SYNPO: variants seen among roughly 807,000 people sequenced by gnomAD.
The protein encoded by SYNPO is synaptopodin.
SYNPO carries 19 observed loss-of-function variants against 49.5 expected under a neutral mutation model. The ratio of observed to expected loss-of-function variants is 0.38; its 90% confidence interval spans 0.27 to 0.56. The LOEUF (loss-of-function observed/expected upper bound fraction) is 0.56, where lower values mean the gene tolerates loss of function less well. SYNPO is among the 20% of genes least tolerant of loss of function. The probability of loss-of-function intolerance (pLI) is 0.68; values close to 1 mark genes in which losing one functional copy is unlikely to be tolerated. For missense variants in SYNPO, 1,131 were observed against 1,248.3 expected, an observed-to-expected ratio of 0.91 and a Z score of 1.42; for synonymous variants, 536 against 548.0, an observed-to-expected ratio of 0.98 and a Z score of 0.31.
At chr5:150,640,211 A>G, upstream of SYNPO, 10 of 979,286 alleles carry the variant, frequency 1.0e-5, no homozygotes, top group Non-Finnish European at 1.2e-5. Context: ...ATGCAGACAG[A>G]ACATTGGTGA....
the SYNPO span, among the ~76,000 whole-genome samples, chr5:150,590,434 A>G: frequency 1.3e-5 from 2 of 152,248 alleles, no homozygotes; most frequent in Admixed American, 1.3e-4. Flanking sequence ...GCAACTTGGT[A>G]GAGCACTTCA....
In SYNPO at chr5:150,617,126, T is replaced by C. The variant is rs1581462492; in HGVS notation, c.-265-977T>C. ...AGTCCTCTGCGTGCATTTTTTCATG[T>C]AATCCTCAATGCAATGCGAAGTTAG... On this transcript the variant is annotated intron_variant, in intron 1 of 2. Transcript: ENST00000394243. Among the ~76,000 whole-genome samples, 3 of 152,312 alleles carry C rather than the reference T, an allele frequency of 2.0e-5. No individual in the cohort carries two copies. In the East Asian group the frequency reaches 5.8e-4, roughly 29 times the overall value.
In SYNPO at chr5:150,650,022, G is replaced by C; in HGVS notation, c.1747G>C (p.Val583Leu). Residue 583 changes from valine to leucine, a missense_variant, in exon 2 of 3, where the codon GTC (valine) becomes CTC (leucine). By Grantham distance (32) the Val-to-Leu change is conservative (BLOSUM62 1). Transcript: ENST00000307662. ...CTCACCTATCAAGGAGCCTGCCAAG[G>C]TCTCACCAAGAGCTGCCTCGCCCGC... The part of the protein sequence containing the change: ...VLSPIKEPAK[V>L]SPRAASPAKP... The C allele has an allele frequency of 6.2e-7, 1 of 1,612,472 alleles. No homozygotes were observed. The highest frequency in any genetic ancestry group is 8.5e-7 in the Non-Finnish European group (1 of 1,179,974).
chr5:150,606,249 G>A (rs1292884753), intron 1 of SYNPO, among the ~76,000 whole-genome samples: 2 of 152,232 alleles, frequency 1.3e-5, no homozygotes, highest in East Asian at 3.8e-4. Flanking sequence ...CTGGGATGGC[G>A]TGTTTCTGTA....
intron 1 of SYNPO, among the ~76,000 whole-genome samples, chr5:150,643,815 G>A (rs534260493): frequency 4.6e-5 from 7 of 152,132 alleles, no homozygotes; most frequent in East Asian, 2.0e-4. Context: ...TTACAGGCGC[G>A]AGCCACCGCG....
At chr5:150,599,632 G>A (rs540877679), upstream of SYNPO, among the ~76,000 whole-genome samples, 6 of 152,298 alleles carry the variant, frequency 3.9e-5, no homozygotes, top group East Asian at 1.9e-4. Flanking sequence ...ACTGCAAAGT[G>A]TATCGGAGAA....
intron 1 of SYNPO, among the ~76,000 whole-genome samples, chr5:150,644,170 G>GA (rs11306904): frequency 0.014 from 1,606 of 116,230 alleles, 22 homozygotes; most frequent in African/African-American, 0.035. Context: ...CCCTGTCTCA[G>GA]AAAAAAAAAA....
At chr5:150,639,743 T>C (rs1195972927), upstream of SYNPO, among the ~76,000 whole-genome samples, 2 of 152,252 alleles carry the variant, frequency 1.3e-5, no homozygotes, top group African/African-American at 2.4e-5. Context: ...AAATGTTGGC[T>C]CTTGTCATTC....
At chr5:150,620,674 G>T (rs1199444624) in intron 2 of SYNPO, among the ~76,000 whole-genome samples, 1 of 152,148 alleles carries the variant, frequency 6.6e-6, no homozygotes, top group Admixed American at 6.5e-5. Flanking sequence ...AACTCTGTTG[G>T]CAAGTCACAC....
At chr5:150,637,202 T>G (rs1757744695), upstream of SYNPO, among the ~76,000 whole-genome samples, 1 of 152,112 alleles carries the variant, frequency 6.6e-6, no homozygotes, top group Admixed American at 6.5e-5. Flanking sequence ...AAAGGAGGGC[T>G]GTCTGTGGGA....
intron 2 of SYNPO, among the ~76,000 whole-genome samples, chr5:150,629,210 G>A (rs565436786): frequency 2.6e-5 from 4 of 152,000 alleles, no homozygotes; most frequent in East Asian, 1.9e-4. Context: ...ACAGTGTCTC[G>A]CTATGTTGCC....
chr5:150,648,047 C>T lies in SYNPO; in HGVS notation c.-229C>T. 1.3e-6 allele frequency: 2 copies of T among 1,551,858 alleles called. No homozygotes were observed. The highest frequency in any genetic ancestry group is 1.2e-5 in the South Asian group (1 of 84,064). On this transcript the variant is annotated 5_prime_UTR_variant, in exon 2 of 3. Transcript: ENST00000307662. The surrounding 1 kb of genome is among the most constrained non-coding windows in gnomAD (Gnocchi z 5.0). ...TGACCACCCCTCCCAGCTCCAATTC[C>T]CGTGGCGTCCAGCTCTTCAACAGGC... is the stretch of plus-strand genomic sequence containing the variant.
At chr5:150,628,047 TG>T (rs1581478693) in intron 2 of SYNPO, among the ~76,000 whole-genome samples, 2 of 133,328 alleles carry the variant, frequency 1.5e-5, no homozygotes, top group East Asian at 6.3e-4. Context: ...TGTGTGTGTG[TG>T]TGTGTGTGTG....
rs747791145 is a variant in SYNPO, at chr5:150,618,827, T to C, written c.400+60T>C. On this transcript the variant is annotated intron_variant, in intron 2 of 2. Transcript: ENST00000394243. ...AGTCACTGGAGACCCCCCAGGTCCT[T>C]AGTACAAGGGCTCCTGACCATATTT... 532 of 1,541,628 alleles carry C rather than the reference T, an allele frequency of 3.5e-4. 1 individual carries two copies. The highest frequency in any genetic ancestry group is 4.6e-4 in the Non-Finnish European group (520 of 1,140,262).
At position 150,628,743 on chromosome 5, in the gene SYNPO, T is replaced by C. The variant is rs1488724793; in HGVS notation, c.400+9976T>C. ...GGCCAACATGGTGAAACCCCGTCTC[T>C]ACTAAAAATACAAAATTAACCAGGA... On this transcript the variant is annotated intron_variant, in intron 2 of 2. Transcript: ENST00000394243. Among the ~76,000 whole-genome samples, 6 of 152,286 alleles carry C rather than the reference T, an allele frequency of 3.9e-5. No individual in the cohort carries two copies. In the South Asian group the frequency reaches 1.0e-3, roughly 26 times the overall value.
At chr5:150,594,971 G>A in the SYNPO span, among the ~76,000 whole-genome samples, 8 of 152,210 alleles carry the variant, frequency 5.3e-5, no homozygotes, top group Admixed American at 5.2e-4. Context: ...GGATGAGGGA[G>A]ATGGGATGAA....
chr5:150,650,871 G>A lies in SYNPO; in HGVS notation c.2028+568G>A, dbSNP rs992790446. The A allele has an allele frequency of 2.1e-5, 26 of 1,259,664 alleles. No homozygotes were observed. The Middle Eastern group carries it at 9.2e-4, about 45-fold the overall frequency. The allele number at this position is 1,259,664 out of a possible 1,614,324, so 78.0% of individuals were successfully genotyped here. A position where few individuals can be genotyped will look rare whatever the true frequency, so the allele number is the denominator to read the frequency against. On this transcript the variant is annotated intron_variant, in intron 2 of 2. Transcript: ENST00000307662. ...CCATGGGCCTGTCTCTTCTGCCTCT[G>A]CCTTCTGGACACCGTTTCCTCTCCG...
At chr5:150,592,034 G>A in the SYNPO span, among the ~76,000 whole-genome samples, 2 of 152,214 alleles carry the variant, frequency 1.3e-5, no homozygotes, top group South Asian at 2.1e-4. Flanking sequence ...GCATGGTGGC[G>A]CATGCCTATA....
At chr5:150,640,949 G>A in intron 1 of SYNPO, 95 bp downstream of exon 1, 1 of 660,764 alleles carries the variant, frequency 1.5e-6, no homozygotes, top group Non-Finnish European at 1.9e-6. Flanking sequence ...CTGTCCTCTG[G>A]GCATCAAGGG....
Sources: gnomAD v4.1 joint callset for allele counts (sites outside exome capture counted in the v4.1 genomes callset) on GRCh38, gnomAD v4.1.1 for gene constraint, Gnocchi (gnomAD v3.1) non-coding constraint, MANE v1.5 for transcripts, NCBI Gene and HGNC (gene_info 2026-07-23, HGNC 2026-07-21) for gene names.